Variants in RBMS3 observed in about 807,000 individuals in gnomAD.
RBMS3 encodes RNA-binding motif, single-stranded-interacting protein 3.
A neutral mutation model predicts 66.8 loss-of-function variants in RBMS3; 27 were observed. That is an observed-to-expected ratio of 0.40 (90% CI 0.30 to 0.56). The LOEUF (loss-of-function observed/expected upper bound fraction) is 0.56, where lower values mean the gene tolerates loss of function less well. RBMS3 is among the 20% of genes least tolerant of loss of function. The pLI, the probability that RBMS3 is intolerant of heterozygous loss-of-function variation, is 0.40. For missense variants in RBMS3, 513 were observed against 549.5 expected (o/e 0.93, Z 0.66); for synonymous variants, 188 against 183.0 (o/e 1.03, Z -0.22).
At chr3:29,445,699 T>C (rs1176165477) in intron 2 of RBMS3, among the ~76,000 whole-genome samples, 1 of 152,122 alleles carries the variant, frequency 6.6e-6, no homozygotes, top group Non-Finnish European at 1.5e-5. Flanking sequence ...GTATGGTATA[T>C]ACACATTGTT....
chr3:29,365,317 G>GAT (rs10540437), intron 1 of RBMS3, among the ~76,000 whole-genome samples: 9 of 150,792 alleles, frequency 6.0e-5, no homozygotes, highest in South Asian at 2.1e-4. Context: ...CAAATTAGGA[G>GAT]ATATATATAT....
At chr3:29,881,464 C>T (rs117868845) in intron 7 of RBMS3, among the ~76,000 whole-genome samples, 3 of 152,144 alleles carry the variant, frequency 2.0e-5, no homozygotes, top group African/African-American at 4.8e-5. Context: ...TGAGGAAACT[C>T]AGGCTCAAAT....
intron 4 of RBMS3, among the ~76,000 whole-genome samples, chr3:29,674,759 GAC>G (rs2051164076): frequency 9.6e-6 from 1 of 103,848 alleles, no homozygotes; most frequent in Non-Finnish European, 2.1e-5. Flanking sequence ...AAAAAAAAAA[GAC>G]ACAAATGGAA....
chr3:29,996,313 A>G (rs1699239858), intron 14 of RBMS3, among the ~76,000 whole-genome samples: 2 of 151,078 alleles, frequency 1.3e-5, no homozygotes, highest in African/African-American at 2.4e-5. Context: ...CCACACATTA[A>G]TAATGGGAGA....
At chr3:29,691,949 A>ATTTTTCTTTTTT (rs2052037464) in intron 4 of RBMS3, among the ~76,000 whole-genome samples, 1 of 65,014 alleles carries the variant, frequency 1.5e-5, no homozygotes, top group African/African-American at 6.1e-5. Flanking sequence ...CTCTCTCTCT[A>ATTTTTCTTTTTT]TTTTTTTTTT....
chr3:29,587,012 G>A, intron 3 of RBMS3, 102 bp from the exon 4 acceptor site: 1 of 842,406 alleles, frequency 1.2e-6, no homozygotes, highest in Non-Finnish European at 1.8e-6. Context: ...TAATATGTCA[G>A]AAGAAATGAA....
At chr3:29,412,113 GCC>G (rs2040289900) in intron 1 of RBMS3, among the ~76,000 whole-genome samples, 1 of 152,126 alleles carries the variant, frequency 6.6e-6, no homozygotes, top group South Asian at 2.1e-4. Flanking sequence ...AGCTCTCTTA[GCC>G]CCTCTATTTC....
At chr3:29,926,556 A>G (rs1178309378) in intron 10 of RBMS3, among the ~76,000 whole-genome samples, 2 of 152,176 alleles carry the variant, frequency 1.3e-5, no homozygotes, top group South Asian at 2.1e-4. Flanking sequence ...CCATTTGCCA[A>G]TAGGATCTTA....
intron 1 of RBMS3, among the ~76,000 whole-genome samples, chr3:29,348,600 A>G (rs550600194): frequency 1.3e-5 from 2 of 151,496 alleles, no homozygotes; most frequent in East Asian, 3.9e-4. Flanking sequence ...AAATCAAAAC[A>G]CTCTTTATGT....
intron 10 of RBMS3, among the ~76,000 whole-genome samples, chr3:29,920,125 C>A (rs1170426031): frequency 6.6e-6 from 1 of 152,048 alleles, no homozygotes; most frequent in South Asian, 2.1e-4. Flanking sequence ...AAGATCCTCA[C>A]AGACATGCTG....
At chr3:29,854,880 C>G (rs144379751) in intron 6 of RBMS3, among the ~76,000 whole-genome samples, 1 of 152,256 alleles carries the variant, frequency 6.6e-6, no homozygotes, top group Non-Finnish European at 1.5e-5. Context: ...TTTGAACTCT[C>G]TTCAATTCTA....
At chr3:29,703,806 A>G (rs868225439) in intron 4 of RBMS3, among the ~76,000 whole-genome samples, 16 of 152,190 alleles carry the variant, frequency 1.1e-4, no homozygotes, top group African/African-American at 3.9e-4. Flanking sequence ...CAAATGGGCC[A>G]CACAGGTAGG....
chr3:29,638,138 G>A (rs756552780), intron 4 of RBMS3, among the ~76,000 whole-genome samples: 55 of 151,814 alleles, frequency 3.6e-4, no homozygotes, highest in Non-Finnish European at 6.8e-4. Context: ...AGGAAGACAC[G>A]TCCCCCTATC....
At chr3:29,590,787 G>A (rs2047706606) in intron 4 of RBMS3, among the ~76,000 whole-genome samples, 1 of 152,082 alleles carries the variant, frequency 6.6e-6, no homozygotes, top group African/African-American at 2.4e-5. Context: ...TACTCAGTAG[G>A]AAGAAGGCCA....
intron 1 of RBMS3, among the ~76,000 whole-genome samples, chr3:29,430,035 A>G (rs901923139): frequency 4.6e-5 from 7 of 152,220 alleles, no homozygotes; most frequent in African/African-American, 1.4e-4. Flanking sequence ...GCTTTTCACA[A>G]ATTAATTCAT....
At chr3:29,462,962 C>G (rs889542150) in intron 2 of RBMS3, among the ~76,000 whole-genome samples, 1 of 152,130 alleles carries the variant, frequency 6.6e-6, no homozygotes, top group Non-Finnish European at 1.5e-5. Flanking sequence ...GTGTTAAAAA[C>G]ATAGAGGGAA....
chr3:29,757,376 C>G (rs1260465244), intron 5 of RBMS3, among the ~76,000 whole-genome samples: 2 of 152,200 alleles, frequency 1.3e-5, no homozygotes, highest in Non-Finnish European at 2.9e-5. Context: ...CATGTGAAAT[C>G]TCCCAAGTTT....
intron 4 of RBMS3, among the ~76,000 whole-genome samples, chr3:29,672,404 T>C (rs1008188902): frequency 6.6e-6 from 1 of 152,250 alleles, no homozygotes; most frequent in Admixed American, 6.5e-5. Flanking sequence ...CCAGCTAACG[T>C]CATAATGACT....
chr3:29,620,810 A>T (rs927302858), intron 4 of RBMS3, among the ~76,000 whole-genome samples: 1 of 152,060 alleles, frequency 6.6e-6, no homozygotes, highest in African/African-American at 2.4e-5. Context: ...AGCAATCTAA[A>T]TTTACTAGTT....
Sources: allele counts gnomAD v4.1 joint callset (sites outside exome capture counted in the v4.1 genomes callset), GRCh38; gene constraint gnomAD v4.1.1; transcripts MANE v1.5; gene names NCBI Gene and HGNC (gene_info 2026-07-23, HGNC 2026-07-21).